STAMBPL1: variants seen among roughly 807,000 people sequenced by gnomAD.
STAMBPL1 encodes the protein AMSH-like protease.
A neutral mutation model predicts 52.9 loss-of-function variants in STAMBPL1; 44 were observed. That is an observed-to-expected ratio of 0.83 (90% CI 0.65 to 1.07). The LOEUF (loss-of-function observed/expected upper bound fraction) is 1.07, where lower values mean the gene tolerates loss of function less well. Among genes scored for constraint, STAMBPL1 ranks in the 50% least tolerant of loss-of-function variants. The pLI, the probability that STAMBPL1 is intolerant of heterozygous loss-of-function variation, is 0.00. For missense variants in STAMBPL1, 511 were observed against 520.8 expected (o/e 0.98, Z 0.18); for synonymous variants, 164 against 177.3 (o/e 0.92, Z 0.60).
chr10:88,917,009 C>G (rs762053237), intron 8 of STAMBPL1, among the ~76,000 whole-genome samples, 192 bp downstream of exon 8: 10 of 152,170 alleles, frequency 6.6e-5, no homozygotes, highest in Non-Finnish European at 1.3e-4. Flanking sequence ...TAAAGGTCAT[C>G]ATATTATAGC....
intron 2 of STAMBPL1, among the ~76,000 whole-genome samples, chr10:88,903,198 GA>G (rs1236389009): frequency 6.6e-6 from 1 of 152,158 alleles, no homozygotes. Context: ...ATTATAGATT[GA>G]TGAAGACTTT....
At chr10:88,908,852 C>A in intron 4 of STAMBPL1, 75 bp downstream of exon 4, 1 of 1,175,402 alleles carries the variant, frequency 8.5e-7, no homozygotes, top group South Asian at 1.6e-5. Context: ...CCTTCCCCTT[C>A]CTCCCCTTTC....
chr10:88,914,458 T>C, intron 6 of STAMBPL1, 76 bp from the exon 7 acceptor site: 1 of 1,215,494 alleles, frequency 8.2e-7, no homozygotes, highest in South Asian at 2.9e-5. Flanking sequence ...CAACTGCAAC[T>C]GTTTGCCAAT....
intron 8 of STAMBPL1, among the ~76,000 whole-genome samples, 188 bp from the exon 9 acceptor site, chr10:88,921,095 T>C (rs1265057119): frequency 6.6e-6 from 1 of 152,134 alleles, no homozygotes; most frequent in African/African-American, 2.4e-5. Flanking sequence ...CTTCTCAGAA[T>C]TGTAGTTATT....
chr10:88,904,161 G>A (rs1845015794), intron 2 of STAMBPL1, among the ~76,000 whole-genome samples: 4 of 152,278 alleles, frequency 2.6e-5, no homozygotes, highest in Middle Eastern at 3.4e-3. Context: ...ACTGACCAAG[G>A]CGGCCTTGAG....
intron 8 of STAMBPL1, 79 bp from the exon 9 acceptor site, chr10:88,921,204 C>A: frequency 1.0e-5 from 11 of 1,083,870 alleles, no homozygotes; most frequent in South Asian, 3.2e-5. Context: ...TAAAAAAAAA[C>A]AGAGTTTTCT....
At chr10:88,914,746 G>A in intron 7 of STAMBPL1, 88 bp downstream of exon 7, 1 of 547,074 alleles carries the variant, frequency 1.8e-6, no homozygotes. Context: ...AAGTGGAACA[G>A]AATAAAACCA....
intron 1 of STAMBPL1, among the ~76,000 whole-genome samples, chr10:88,883,358 CTAAAACAAAACTA>C: frequency 6.6e-6 from 1 of 152,256 alleles, no homozygotes. Flanking sequence ...AAACAAAACT[CTAAAACAAAACTA>C]AAACCAACAA....
intron 4 of STAMBPL1, 108 bp downstream of exon 4, chr10:88,908,885 G>A (rs374188384): frequency 1.3e-5 from 11 of 876,898 alleles, no homozygotes; most frequent in East Asian, 5.7e-5. Context: ...GAGTTTGAGC[G>A]CAAGAAATTC....
chr10:88,920,940 G>T (rs2133218882), intron 8 of STAMBPL1, among the ~76,000 whole-genome samples: 1 of 152,238 alleles, frequency 6.6e-6, no homozygotes, highest in Non-Finnish European at 1.5e-5. Context: ...TGGGATCCTT[G>T]TATGTAAAAT....
In STAMBPL1 at chr10:88,915,601, C is replaced by T. The variant is rs543543620; in HGVS notation, c.903+943C>T. ...ACTCCATTGTCAGACAAACATTTAC[C>T]GAATATCTAAATGTGCCAGGCACTG... is the stretch of plus-strand genomic sequence containing the variant. On this transcript the variant is annotated intron_variant, in intron 7 of 10. Coordinates refer to ENST00000371926, the MANE Select transcript of STAMBPL1 (RefSeq NM_020799.4). Among the ~76,000 whole-genome samples, 10 of 152,272 alleles carry T rather than the reference C, an allele frequency of 6.6e-5. No individual in the cohort carries two copies. In the East Asian group the frequency reaches 1.4e-3, roughly 21 times the overall value.
intron 1 of STAMBPL1, among the ~76,000 whole-genome samples, chr10:88,885,822 A>G (rs1844517258): frequency 6.6e-6 from 1 of 152,230 alleles, no homozygotes; most frequent in Non-Finnish European, 1.5e-5. Flanking sequence ...AGAATAAGCA[A>G]TTCTTAACTC....
chr10:88,895,116 C>T (rs1025512525), intron 1 of STAMBPL1, among the ~76,000 whole-genome samples: 1 of 152,218 alleles, frequency 6.6e-6, no homozygotes, highest in Admixed American at 6.5e-5. Context: ...CTGCCATCCT[C>T]CAGACACTGG....
chr10:88,913,280 AG>A lies in STAMBPL1; in HGVS notation c.603del (p.Leu202CysfsTer22). ...RGQMRSQQTS[G>X]LSEQIDGSAL... ...GTCAAATGCGAAGTCAGCAAACCTC[AG>A]GGCTGTCAGAGCAGATTGATGGGAG... is the stretch of plus-strand genomic sequence containing the variant. On this transcript the variant is annotated frameshift_variant, in exon 6 of 11. Coordinates refer to ENST00000371926, the MANE Select transcript of STAMBPL1 (RefSeq NM_020799.4). LOFTEE classifies it high-confidence loss of function. The A allele has an allele frequency of 3.1e-6, 5 of 1,613,918 alleles. No homozygotes were observed. Among genetic ancestry groups the A allele is most frequent in the Non-Finnish European group, 4.2e-6 (5 of 1,179,868 alleles).
chr10:88,913,263 C>G lies in STAMBPL1; in HGVS notation c.583C>G (p.Arg195Gly), dbSNP rs909404951. ...GCAAGAGTTAGCCCGAGGTCAAATG[C>G]GAAGTCAGCAAACCTCAGGGCTGTC... ...KKQELARGQMRSQQTSGLSEQ... is the reference protein window; with the variant it reads ...KKQELARGQMGSQQTSGLSEQ... The change falls in exon 6 of 11, where the codon CGA (arginine) becomes GGA (glycine). Residue 195 changes from arginine (R) to glycine (G), a missense_variant. By Grantham distance (125) the Arg-to-Gly change is moderately radical. Around this residue, in one of 3 missense-constraint regions of STAMBPL1, gnomAD observed 358 missense variants for 343.5 expected, o/e 1.04. Coordinates refer to ENST00000371926, the MANE Select transcript of STAMBPL1 (RefSeq NM_020799.4). 2 of 1,613,700 alleles carry G rather than the reference C, an allele frequency of 1.2e-6. No individual in the cohort carries two copies. The highest frequency in any genetic ancestry group is 1.3e-5 in the African/African-American group (1 of 74,890).
intron 1 of STAMBPL1, among the ~76,000 whole-genome samples, chr10:88,890,449 A>C (rs928657149): frequency 6.6e-6 from 1 of 152,230 alleles, no homozygotes; most frequent in Non-Finnish European, 1.5e-5. Flanking sequence ...TGGGGTGTAC[A>C]TTAAGGAGCC....
At chr10:88,911,823 C>T (rs931219219) in intron 5 of STAMBPL1, among the ~76,000 whole-genome samples, 1 of 152,056 alleles carries the variant, frequency 6.6e-6, no homozygotes, top group African/African-American at 2.4e-5. Flanking sequence ...TGGAAATGTC[C>T]CTCAAGTGTG....
rs533525045 is a variant in STAMBPL1, at chr10:88,902,376, A to T, written c.30+638A>T. On this transcript the variant is annotated intron_variant, in intron 2 of 10. Transcript: ENST00000371926. ...TTTTTGATGGTCCTAGCCTACCAGG[A>T]TGGTACGATAAATGGAAACTGTCAT... Among the ~76,000 whole-genome samples, 13 of 152,254 alleles carry T rather than the reference A, an allele frequency of 8.5e-5. No homozygotes were observed. In the South Asian group the frequency reaches 2.7e-3, roughly 32 times the overall value.
chr10:88,883,485 C>A (rs1844456930), intron 1 of STAMBPL1, among the ~76,000 whole-genome samples: 1 of 152,178 alleles, frequency 6.6e-6, no homozygotes, highest in Non-Finnish European at 1.5e-5. Context: ...GAGTTGACAT[C>A]AGAATGTTCA....
Sources: gnomAD v4.1 joint callset for allele counts (sites outside exome capture counted in the v4.1 genomes callset) on GRCh38, gnomAD v4.1.1 for gene constraint, gnomAD v4.1.1 regional missense constraint, MANE v1.5 for transcripts, NCBI Gene and HGNC (gene_info 2026-07-23, HGNC 2026-07-21) for gene names.